TNN: variants seen among roughly 807,000 people sequenced by gnomAD.
TNN encodes the protein tenascin-N.
In TNN, 122 loss-of-function variants were observed where a neutral mutation model predicts 134.4. That is an observed-to-expected ratio of 0.91 (90% confidence interval 0.78 to 1.06). The LOEUF is 1.06. TNN is among the 50% of genes least tolerant of loss of function. TNN has a pLI of 0.00. For missense variants in TNN, 1,739 were observed against 1,699.4 expected, an observed-to-expected ratio of 1.02 and a Z score of -0.41; for synonymous variants, 710 against 670.3, an observed-to-expected ratio of 1.06 and a Z score of -0.91.
In TNN at chr1:175,127,026, C is replaced by A. The variant is rs149726222; in HGVS notation, c.2986C>A (p.Pro996Thr). The change falls in exon 13 of 19, where the codon CCC (proline) becomes ACC (threonine). Residue 996 changes from proline (P) to threonine (T), a missense_variant. Transcript: ENST00000239462. The part of the protein sequence containing the change: ...QSGGILTWTP[P>T]SAQIHGYILT... ...TGGTGGCATATTGACCTGGACGCCC[C>A]CCTCTGCTCAGATCCACGGCTACAT... The A allele has an allele frequency of 5.0e-6, 8 of 1,614,034 alleles. No homozygotes were observed. The highest frequency in any genetic ancestry group is 1.3e-5 in the African/African-American group (1 of 74,932).
intron 6 of TNN, among the ~76,000 whole-genome samples, chr1:175,088,131 T>C (rs1241046162): frequency 6.6e-6 from 1 of 152,182 alleles, no homozygotes; most frequent in African/African-American, 2.4e-5. Flanking sequence ...GATTACATCA[T>C]TGGCCACTGG....
intron 6 of TNN, among the ~76,000 whole-genome samples, chr1:175,088,403 G>A (rs1450062984): frequency 6.6e-6 from 1 of 152,146 alleles, no homozygotes; most frequent in Non-Finnish European, 1.5e-5. Flanking sequence ...CCAAACATGT[G>A]TTTCTTGTTA....
chr1:175,081,449 C>T (rs1260620357), intron 4 of TNN, among the ~76,000 whole-genome samples: 1 of 152,204 alleles, frequency 6.6e-6, no homozygotes, highest in African/African-American at 2.4e-5. Context: ...CTGCCTCCAT[C>T]CTGCCCTAAA....
intron 17 of TNN, among the ~76,000 whole-genome samples, chr1:175,139,582 TC>T (rs1196079164): frequency 6.7e-6 from 1 of 148,994 alleles, no homozygotes; most frequent in East Asian, 2.0e-4. Flanking sequence ...CTTGAATACG[TC>T]CCAAAGGACC....
intron 9 of TNN, among the ~76,000 whole-genome samples, chr1:175,111,772 T>G (rs1053532683): frequency 1.5e-5 from 2 of 132,462 alleles, no homozygotes; most frequent in African/African-American, 5.6e-5. Context: ...AGGGATTGCT[T>G]CCTTGATTTT....
At chr1:175,134,620 C>A (rs1243444936) in intron 15 of TNN, among the ~76,000 whole-genome samples, 1 of 152,114 alleles carries the variant, frequency 6.6e-6, no homozygotes, top group Non-Finnish European at 1.5e-5. Flanking sequence ...TCTGAATCCC[C>A]CATCTCAGTG....
At chr1:175,079,281 T>A in intron 2 of TNN, 52 bp from the exon 3 acceptor site, 2 of 1,518,692 alleles carry the variant, frequency 1.3e-6, no homozygotes, top group Non-Finnish European at 1.8e-6. Flanking sequence ...AGGAAGGAGA[T>A]CCCCACGCAC....
chr1:175,129,529 T>C (rs1042083920), intron 15 of TNN, among the ~76,000 whole-genome samples: 4 of 151,308 alleles, frequency 2.6e-5, no homozygotes, highest in South Asian at 2.1e-4. Flanking sequence ...TGTGAGTTGA[T>C]CATCATCTAG....
chr1:175,072,796 C>T (rs1221057803), intron 1 of TNN, among the ~76,000 whole-genome samples: 2 of 152,090 alleles, frequency 1.3e-5, no homozygotes, highest in Non-Finnish European at 2.9e-5. Context: ...TGTTACAAAT[C>T]AGAAGGACAG....
chr1:175,136,602 C>T lies in TNN; in HGVS notation c.3428-219C>T, dbSNP rs560140562. On this transcript the variant is annotated intron_variant, in intron 16 of 18. Transcript: ENST00000239462. Reference sequence around the variant, plus strand: ...TGGAGGCAGATTCCTTCTGGGGTTACCCTGCCCCCTTCACTGCTCCCTTCC... The same window carrying T: ...TGGAGGCAGATTCCTTCTGGGGTTATCCTGCCCCCTTCACTGCTCCCTTCC... Among the ~76,000 whole-genome samples the T allele has an allele frequency of 1.2e-4, 18 of 152,250 alleles. No homozygotes were observed. In the South Asian group the frequency reaches 1.5e-3, roughly 12 times the overall value.
At chr1:175,100,955 C>T (rs1385300817) in intron 9 of TNN, among the ~76,000 whole-genome samples, 2 of 152,160 alleles carry the variant, frequency 1.3e-5, no homozygotes, top group African/African-American at 2.4e-5. Context: ...ATGATCAAAT[C>T]AGGGTAATCA....
At chr1:175,075,753 G>A (rs536067266) in intron 1 of TNN, among the ~76,000 whole-genome samples, 35 of 152,308 alleles carry the variant, frequency 2.3e-4, no homozygotes, top group African/African-American at 8.4e-4. Flanking sequence ...GTGACGCGCT[G>A]TCATTCCCAC....
Position 175,123,490 on chromosome 1 carries a change from A to G in TNN, c.2741A>G (p.Lys914Arg). The G allele has an allele frequency of 6.2e-7, 1 of 1,614,188 alleles. No homozygotes were observed. The highest frequency in any genetic ancestry group is 1.1e-5 in the South Asian group (1 of 91,084). Residue 914 changes from lysine to arginine, a missense_variant, in exon 12 of 19, where the codon AAG becomes AGG. Physicochemically the swap from Lys to Arg is conservative, Grantham distance 26. Transcript: ENST00000239462. ...GACCCGGTTCAGGCCACCATTGACA[A>G]GTACATGGTGCGCTACACCTCTGCT... ...SWDPVQATIDKYMVRYTSADG... is the reference protein window; with the variant it reads ...SWDPVQATIDRYMVRYTSADG...
intron 17 of TNN, among the ~76,000 whole-genome samples, chr1:175,142,855 A>G (rs374876111): frequency 6.6e-6 from 1 of 152,158 alleles, no homozygotes; most frequent in South Asian, 2.1e-4. Context: ...TGACCTCATG[A>G]TCTGCCTGCC....
At chr1:175,121,504 T>C (rs1036952697) in intron 11 of TNN, among the ~76,000 whole-genome samples, 1 of 152,200 alleles carries the variant, frequency 6.6e-6, no homozygotes, top group African/African-American at 2.4e-5. Context: ...AAGAGTGATA[T>C]GATGCAGTGT....
At chr1:175,136,717 AGACTAAAGT>A (rs1675820275) in intron 16 of TNN, 95 bp from the exon 17 acceptor site, 3 of 1,076,398 alleles carry the variant, frequency 2.8e-6, no homozygotes, top group Non-Finnish European at 4.0e-6. Flanking sequence ...GAGAAGGTAA[AGACTAAAGT>A]GACTTTAGGT....
rs187161255 is a variant in TNN at position 175,122,252 on chromosome 1, G to A, written c.2651-1148G>A. Reference sequence around the variant, plus strand: ...AAAATACAAAAATTGGCTGAGTGTGGTGGCATGCACCTGTATTCCCAGCTA... The same window carrying A: ...AAAATACAAAAATTGGCTGAGTGTGATGGCATGCACCTGTATTCCCAGCTA... On this transcript the variant is annotated intron_variant, in intron 11 of 18. Transcript: ENST00000239462. Among the ~76,000 whole-genome samples the A allele has an allele frequency of 2.6e-3, 402 of 152,118 alleles. 2 individuals carry two copies. Among genetic ancestry groups the A allele is most frequent in the African/African-American group, 9.4e-3 (388 of 41,492 alleles).
intron 15 of TNN, among the ~76,000 whole-genome samples, chr1:175,131,639 T>C (rs1675675455): frequency 1.3e-5 from 2 of 152,182 alleles, no homozygotes; most frequent in Admixed American, 1.3e-4. Context: ...AACTAACATT[T>C]ATTGAGAGAT....
chr1:175,098,581 C>G lies in TNN; in HGVS notation c.2105C>G (p.Thr702Ser). Residue 702 changes from threonine (T) to serine (S), a missense_variant, in exon 9 of 19, where the codon ACC (threonine) becomes AGC (serine). Coordinates refer to ENST00000239462, the MANE Select transcript of TNN (RefSeq NM_022093.2). The part of the protein sequence containing the change: ...KGDQESKKAD[T>S]KAQTDIDSPQ... ...GACCAGGAGAGCAAGAAGGCCGACA[C>G]CAAGGCCCAGACAGGTAAGGAGTGT... 6.2e-7 allele frequency: 1 copy of G among 1,614,062 alleles called. No homozygotes were observed. Among genetic ancestry groups the G allele is most frequent in the South Asian group, 1.1e-5 (1 of 91,064 alleles).
Sources: allele counts gnomAD v4.1 joint callset (sites outside exome capture counted in the v4.1 genomes callset), GRCh38; gene constraint gnomAD v4.1.1; transcripts MANE v1.5; gene names NCBI Gene and HGNC (gene_info 2026-07-23, HGNC 2026-07-21).